Variants in KCNIP4 observed in about 807,000 individuals in gnomAD.
KCNIP4 encodes the protein potassium voltage-gated channel interacting protein 4.
In KCNIP4, 12 loss-of-function variants were observed where a neutral mutation model predicts 34.0. The ratio of observed to expected loss-of-function variants is 0.35; its 90% CI spans 0.23 to 0.57. The LOEUF (loss-of-function observed/expected upper bound fraction) is 0.57, where lower values mean the gene tolerates loss of function less well. KCNIP4 is among the 20% of genes least tolerant of loss of function. The probability of loss-of-function intolerance (pLI) is 0.83; values close to 1 mark genes in which losing one functional copy is unlikely to be tolerated. For synonymous variants in KCNIP4, 124 were observed against 102.2 expected (o/e 1.21, Z -1.29); for missense variants, 238 against 311.7 (o/e 0.76, Z 1.78).
intron 1 of KCNIP4, among the ~76,000 whole-genome samples, chr4:21,707,116 G>A (rs778285782): frequency 2.0e-5 from 3 of 152,128 alleles, no homozygotes; most frequent in Non-Finnish European, 4.4e-5. Flanking sequence ...CTTTAGTGTG[G>A]CTAGGTCTAA....
chr4:21,839,599 C>A (rs781013855), intron 1 of KCNIP4, among the ~76,000 whole-genome samples: 2 of 151,952 alleles, frequency 1.3e-5, no homozygotes, highest in Non-Finnish European at 2.9e-5. Flanking sequence ...ACTAAAAATA[C>A]AAAATTAGCC....
intron 1 of KCNIP4, among the ~76,000 whole-genome samples, chr4:21,130,670 A>G (rs1398623259): frequency 6.6e-6 from 1 of 152,212 alleles, no homozygotes; most frequent in African/African-American, 2.4e-5. Flanking sequence ...AAAAGAGGTT[A>G]ATAACTCTGG....
At chr4:21,884,794 C>T (rs570545094) in intron 1 of KCNIP4, among the ~76,000 whole-genome samples, 35 of 152,148 alleles carry the variant, frequency 2.3e-4, no homozygotes, top group African/African-American at 8.4e-4. Context: ...CATTCTGTCC[C>T]TCTTACAGAT....
chr4:21,593,273 C>G (rs1232759936), intron 1 of KCNIP4, among the ~76,000 whole-genome samples: 1 of 152,090 alleles, frequency 6.6e-6, no homozygotes, highest in African/African-American at 2.4e-5. Flanking sequence ...GCTGCCACTT[C>G]TGGGCTGAAT....
At chr4:21,361,034 GTCA>G (rs34267897) in intron 1 of KCNIP4, among the ~76,000 whole-genome samples, 16,402 of 151,596 alleles carry the variant, frequency 0.11, 1,420 homozygotes, top group East Asian at 0.25. Context: ...CATCATTATC[GTCA>G]TCATCATCAT....
chr4:21,925,371 A>T (rs1159326661), intron 1 of KCNIP4, among the ~76,000 whole-genome samples: 1 of 151,782 alleles, frequency 6.6e-6, no homozygotes, highest in Admixed American at 6.6e-5. Context: ...GCTGAGAATG[A>T]TGGTTTCCAG....
At chr4:21,123,005 T>C (rs1389260013) in intron 1 of KCNIP4, among the ~76,000 whole-genome samples, 1 of 151,990 alleles carries the variant, frequency 6.6e-6, no homozygotes, top group Non-Finnish European at 1.5e-5. Flanking sequence ...GGTCAGGAGA[T>C]CAAGACCATC....
At chr4:21,170,080 G>C (rs1753909495) in intron 1 of KCNIP4, among the ~76,000 whole-genome samples, 1 of 152,072 alleles carries the variant, frequency 6.6e-6, no homozygotes, top group Non-Finnish European at 1.5e-5. Context: ...AGATTAAAGT[G>C]CATTCAAGGA....
chr4:21,737,276 G>A (rs1191627258), intron 1 of KCNIP4, among the ~76,000 whole-genome samples: 1 of 151,900 alleles, frequency 6.6e-6, no homozygotes, highest in African/African-American at 2.4e-5. Context: ...GAGAAATATA[G>A]TCACTGTTTT....
At chr4:20,845,016 G>C (rs957615811) in intron 3 of KCNIP4, among the ~76,000 whole-genome samples, 11 of 152,208 alleles carry the variant, frequency 7.2e-5, no homozygotes, top group African/African-American at 2.4e-4. Flanking sequence ...AGCACATTAA[G>C]CTGCTTTGCT....
In KCNIP4 at chr4:21,659,062, TAGATCAGCC is replaced by T. The variant is rs2108986236; in HGVS notation, c.61+289500_61+289508del. ...GTTTAAAAAGTAGACCATTGATTATTAGATCAGCCACCTGTAGAAAATATGCTTTTGTGC... is the reference window on the plus strand; with the variant it reads ...GTTTAAAAAGTAGACCATTGATTATTACCTGTAGAAAATATGCTTTTGTGC... On this transcript the variant is annotated intron_variant, in intron 1 of 8. Transcript: ENST00000382152. Among the ~76,000 whole-genome samples the T allele has an allele frequency of 2.0e-5, 3 of 152,324 alleles. No individual in the cohort carries two copies. In the South Asian group the frequency reaches 6.2e-4, roughly 32 times the overall value.
intron 3 of KCNIP4, among the ~76,000 whole-genome samples, chr4:20,764,707 C>CACA (rs1251029398): frequency 6.6e-6 from 1 of 151,312 alleles, no homozygotes; most frequent in Non-Finnish European, 1.5e-5. Context: ...CACACACACA[C>CACA]AACCCCATGA....
chr4:21,644,108 A>G (rs894735526), intron 1 of KCNIP4, among the ~76,000 whole-genome samples: 3 of 152,162 alleles, frequency 2.0e-5, no homozygotes, highest in African/African-American at 7.2e-5. Flanking sequence ...ACCTTGGAAG[A>G]GTAATTTGAC....
chr4:21,645,112 C>T (rs774670242), intron 1 of KCNIP4, among the ~76,000 whole-genome samples: 2 of 152,104 alleles, frequency 1.3e-5, no homozygotes, highest in African/African-American at 2.4e-5. Flanking sequence ...TGAGTGTGTG[C>T]ATAAGCACTC....
chr4:21,543,903 C>T (rs188318260), intron 1 of KCNIP4, among the ~76,000 whole-genome samples: 4 of 152,150 alleles, frequency 2.6e-5, no homozygotes, highest in Admixed American at 6.6e-5. Flanking sequence ...TAAATATACT[C>T]TTAAATTGGA....
At chr4:21,280,969 C>T (rs545955612) in intron 1 of KCNIP4, among the ~76,000 whole-genome samples, 1 of 152,188 alleles carries the variant, frequency 6.6e-6, no homozygotes, top group East Asian at 1.9e-4. Context: ...GAAAAGAACC[C>T]ATACACCTGT....
intron 1 of KCNIP4, among the ~76,000 whole-genome samples, chr4:21,222,888 C>A (rs1758082927): frequency 6.6e-6 from 1 of 152,152 alleles, no homozygotes; most frequent in African/African-American, 2.4e-5. Flanking sequence ...ATATAGCATG[C>A]ACAGAAGGTA....
chr4:21,182,924 T>C (rs1199592516), intron 1 of KCNIP4, among the ~76,000 whole-genome samples: 1 of 152,142 alleles, frequency 6.6e-6, no homozygotes. Flanking sequence ...TTATTAACTG[T>C]AGTCACATTG....
chr4:21,326,519 G>A (rs1715076844), intron 1 of KCNIP4, among the ~76,000 whole-genome samples: 1 of 150,786 alleles, frequency 6.6e-6, no homozygotes, highest in African/African-American at 2.4e-5. Flanking sequence ...ATCTTTACAG[G>A]TGAAATGTGT....
Sources: gnomAD v4.1 joint callset for allele counts (sites outside exome capture counted in the v4.1 genomes callset) on GRCh38, gnomAD v4.1.1 for gene constraint, MANE v1.5 for transcripts, NCBI Gene and HGNC (gene_info 2026-07-23, HGNC 2026-07-21) for gene names.